Variants in SNX29 observed in about 807,000 individuals in gnomAD.
SNX29 encodes the protein sorting nexin-29.
A neutral mutation model predicts 102.1 loss-of-function variants in SNX29; 78 were observed. That is an observed-to-expected ratio of 0.76 (90% CI 0.64 to 0.92). The LOEUF is 0.92. Among genes scored for constraint, SNX29 ranks in the 40% least tolerant of loss-of-function variants. SNX29 has a pLI of 0.00. For missense variants in SNX29, 1,280 were observed against 1,061.7 expected (o/e 1.21, Z -2.86); for synonymous variants, 580 against 414.5 (o/e 1.40, Z -4.85).
intron 3 of SNX29, among the ~76,000 whole-genome samples, chr16:12,026,335 C>A (rs541930741): frequency 6.6e-6 from 1 of 152,240 alleles, no homozygotes; most frequent in Non-Finnish European, 1.5e-5. Context: ...TATTTGTGTA[C>A]CTCCCTTTGC....
chr16:12,531,258 G>A (rs111668063), intron 20 of SNX29, among the ~76,000 whole-genome samples: 1 of 152,228 alleles, frequency 6.6e-6, no homozygotes, highest in Admixed American at 6.5e-5. Flanking sequence ...TGGCCCTATG[G>A]TCAGGGCGCA....
At chr16:12,556,940 C>T (rs936300891) in intron 20 of SNX29, among the ~76,000 whole-genome samples, 3 of 18,094 alleles carry the variant, frequency 1.7e-4, no homozygotes, top group Non-Finnish European at 3.3e-4. Context: ...ACAGCCTCTG[C>T]CGCTCAGGCT....
chr16:12,160,982 C>T (rs1299301637), intron 13 of SNX29, among the ~76,000 whole-genome samples: 1 of 152,224 alleles, frequency 6.6e-6, no homozygotes, highest in African/African-American at 2.4e-5. Flanking sequence ...AAATCATCCT[C>T]TTCTTGCTTT....
chr16:12,059,194 A>G (rs2050664225), intron 8 of SNX29, among the ~76,000 whole-genome samples: 1 of 152,138 alleles, frequency 6.6e-6, no homozygotes, highest in Non-Finnish European at 1.5e-5. Flanking sequence ...AGGGTCAAGA[A>G]TTATCTTAGA....
At chr16:12,476,622 C>T (rs138716921) in intron 18 of SNX29, among the ~76,000 whole-genome samples, 10 of 150,522 alleles carry the variant, frequency 6.6e-5, no homozygotes, top group Non-Finnish European at 7.4e-5. Flanking sequence ...CATCAGAGAC[C>T]CCGGGACTTC....
chr16:12,520,947 C>G (rs1370610171), intron 19 of SNX29, among the ~76,000 whole-genome samples: 1 of 152,112 alleles, frequency 6.6e-6, no homozygotes, highest in Admixed American at 6.5e-5. Flanking sequence ...GCCTGTAATC[C>G]CAGTACTTTG....
intron 20 of SNX29, chr16:12,545,393 C>A (rs1223895419): frequency 6.6e-6 from 1 of 152,202 alleles, no homozygotes; most frequent in Non-Finnish European, 1.5e-5. Context: ...GGTGTATTGT[C>A]CGCTTCCTAA....
At chr16:12,480,118 T>G (rs765459543) in intron 19 of SNX29, among the ~76,000 whole-genome samples, 7 of 152,204 alleles carry the variant, frequency 4.6e-5, no homozygotes, top group Non-Finnish European at 8.8e-5. Context: ...TCAACAACAT[T>G]AAGTCAACAC....
At chr16:12,563,128 G>T (rs118173823) in intron 20 of SNX29, among the ~76,000 whole-genome samples, 1 of 152,064 alleles carries the variant, frequency 6.6e-6, no homozygotes, top group African/African-American at 2.4e-5. Flanking sequence ...AGGAAAGGTC[G>T]CCACACGTCC....
chr16:12,212,706 G>A (rs2077219016), intron 14 of SNX29, among the ~76,000 whole-genome samples: 1 of 152,120 alleles, frequency 6.6e-6, no homozygotes, highest in Non-Finnish European at 1.5e-5. Context: ...CATGACTGAT[G>A]TGTTTGAGTT....
At chr16:12,337,733 G>A (rs190554924) in intron 15 of SNX29, among the ~76,000 whole-genome samples, 44 of 152,276 alleles carry the variant, frequency 2.9e-4, no homozygotes, top group African/African-American at 7.2e-5. Context: ...ATTCAGTGAC[G>A]GTGATGGCGT....
chr16:12,497,627 C>T (rs2088896709), intron 19 of SNX29, among the ~76,000 whole-genome samples: 1 of 152,214 alleles, frequency 6.6e-6, no homozygotes. Context: ...TATTTGCTGA[C>T]ATGAGAAATC....
intron 20 of SNX29, among the ~76,000 whole-genome samples, chr16:12,544,728 C>A (rs181085566): frequency 6.6e-6 from 1 of 152,272 alleles, no homozygotes; most frequent in Admixed American, 6.5e-5. Context: ...GGAGGGGAAA[C>A]CTCGGCCCAG....
chr16:12,548,963 C>T (rs1237308519), intron 20 of SNX29, among the ~76,000 whole-genome samples: 1 of 152,214 alleles, frequency 6.6e-6, no homozygotes, highest in East Asian at 1.9e-4. Context: ...TCTCAAGCAA[C>T]AGCACAAGTG....
chr16:12,291,253 A>C (rs2079783349), intron 15 of SNX29, among the ~76,000 whole-genome samples: 1 of 152,212 alleles, frequency 6.6e-6, no homozygotes, highest in Admixed American at 6.5e-5. Flanking sequence ...ATGGACTCAC[A>C]GTTCCACATG....
chr16:12,266,618 T>G (rs2078935998), intron 14 of SNX29, among the ~76,000 whole-genome samples: 1 of 148,426 alleles, frequency 6.7e-6, no homozygotes, highest in Non-Finnish European at 1.5e-5. Flanking sequence ...AGAGCCAAAA[T>G]TTGAACCCAG....
chr16:12,038,966 G>T (rs140191557), intron 4 of SNX29, among the ~76,000 whole-genome samples: 1 of 152,322 alleles, frequency 6.6e-6, no homozygotes, highest in Non-Finnish European at 1.5e-5. Context: ...GGAGTAGACT[G>T]ATCGGATGAG....
chr16:12,193,394 A>G (rs978149202), intron 13 of SNX29, among the ~76,000 whole-genome samples: 2 of 150,286 alleles, frequency 1.3e-5, no homozygotes, highest in African/African-American at 4.9e-5. Context: ...ACTTGAAGCC[A>G]GGAGGTGAAG....
intron 20 of SNX29, chr16:12,556,552 T>G (rs977520474): frequency 2.0e-5 from 3 of 152,178 alleles, no homozygotes; most frequent in African/African-American, 7.2e-5. Flanking sequence ...GTGGGAAACA[T>G]TTGCATTTGA....
Sources: gnomAD v4.1 joint callset for allele counts (sites outside exome capture counted in the v4.1 genomes callset) on GRCh38, gnomAD v4.1.1 for gene constraint, MANE v1.5 for transcripts, NCBI Gene and HGNC (gene_info 2026-07-23, HGNC 2026-07-21) for gene names.